FTO: variants seen among roughly 807,000 people sequenced by gnomAD.
The protein encoded by FTO is FTO alpha-ketoglutarate dependent dioxygenase.
Under a neutral mutation model 63.9 loss-of-function variants are expected in FTO, and 47 were observed. The ratio of observed to expected loss-of-function variants is 0.74; its 90% CI spans 0.58 to 0.94. The LOEUF (loss-of-function observed/expected upper bound fraction) is 0.94. FTO is among the 40% of genes least tolerant of loss of function. The pLI, the probability that FTO is intolerant of heterozygous loss-of-function variation, is 0.00. For synonymous variants in FTO, 207 were observed against 224.4 expected, an observed-to-expected ratio of 0.92 and a Z score of 0.69; for missense variants, 562 against 618.1, an observed-to-expected ratio of 0.91 and a Z score of 0.96.
In FTO at chr16:53,972,804, T is replaced by C. The variant is rs115141509; in HGVS notation, c.1364+38695T>C. On this transcript the variant is annotated intron_variant, in intron 8 of 8. Transcript: ENST00000471389. ...CTTTTAGGAAGGAGAAATCTCACTC[T>C]TCAGTGTTTGTGGAGAGTGCAGGGA... is the stretch of plus-strand genomic sequence containing the variant. Among the ~76,000 whole-genome samples, 915 of 152,310 alleles carry C rather than the reference T, an allele frequency of 6.0e-3. 9 individuals carry two copies. The highest frequency in any genetic ancestry group is 0.021 in the African/African-American group (865 of 41,566).
chr16:53,999,281 T>G (rs1314151188), intron 8 of FTO, among the ~76,000 whole-genome samples: 1 of 152,166 alleles, frequency 6.6e-6, no homozygotes, highest in African/African-American at 2.4e-5. Flanking sequence ...TAGGCAGGAT[T>G]TATATGTGCT....
At position 54,000,489 on chromosome 16, in the gene FTO, A is replaced by G. The variant is rs1193228675; in HGVS notation, c.1364+66380A>G. On this transcript the variant is annotated intron_variant, in intron 8 of 8. Coordinates refer to ENST00000471389, the MANE Select transcript of FTO (RefSeq NM_001080432.3). Reference sequence around the variant, plus strand: ...ACATTCTGGTCTAACCGAAGTTGCCATGTAATTCTGTGGAATCATACTAAC... The same window carrying G: ...ACATTCTGGTCTAACCGAAGTTGCCGTGTAATTCTGTGGAATCATACTAAC... 3.9e-5 allele frequency among the ~76,000 whole-genome samples: 6 copies of G among 152,322 alleles called. No individual in the cohort carries two copies. In the South Asian group the frequency reaches 1.0e-3, roughly 26 times the overall value.
chr16:53,724,968 C>T (rs756110796), intron 1 of FTO, among the ~76,000 whole-genome samples: 3 of 152,120 alleles, frequency 2.0e-5, no homozygotes, highest in Non-Finnish European at 2.9e-5. Flanking sequence ...CAGGGATCTG[C>T]CTCTCCTAAA....
intron 8 of FTO, chr16:53,985,087 A>G (rs1256779977): frequency 2.4e-5 from 10 of 416,620 alleles, no homozygotes; most frequent in Non-Finnish European, 4.8e-5. Context: ...TTGTTCCAGT[A>G]TGTGTAGGGA....
At chr16:53,961,027 T>C (rs567003417) in intron 8 of FTO, among the ~76,000 whole-genome samples, 4 of 152,332 alleles carry the variant, frequency 2.6e-5, no homozygotes, top group Non-Finnish European at 5.9e-5. Context: ...CAATACAAGA[T>C]AAATGATTGC....
At chr16:53,972,010 G>A (rs142215011) in intron 8 of FTO, among the ~76,000 whole-genome samples, 155 of 152,082 alleles carry the variant, frequency 1.0e-3, no homozygotes, top group Non-Finnish European at 1.8e-3. Flanking sequence ...ATGTTTTAAC[G>A]ACAAATGATG....
intron 7 of FTO, among the ~76,000 whole-genome samples, chr16:53,903,422 C>A (rs145154182): frequency 1.3e-5 from 2 of 152,180 alleles, no homozygotes; most frequent in Non-Finnish European, 2.9e-5. Flanking sequence ...CCACACCAAG[C>A]TAATTTTTGT....
chr16:53,799,879 T>C (rs1427269833), intron 1 of FTO, among the ~76,000 whole-genome samples: 1 of 152,240 alleles, frequency 6.6e-6, no homozygotes, highest in Non-Finnish European at 1.5e-5. Flanking sequence ...CTTATTATCC[T>C]TTTAATTGGT....
At chr16:53,783,064 G>C (rs1404614564) in intron 1 of FTO, among the ~76,000 whole-genome samples, 1 of 151,818 alleles carries the variant, frequency 6.6e-6, no homozygotes, top group African/African-American at 2.4e-5. Context: ...TTATGTATCA[G>C]GCACTATACC....
chr16:53,758,525 G>T (rs1177578370), intron 1 of FTO, among the ~76,000 whole-genome samples: 1 of 152,190 alleles, frequency 6.6e-6, no homozygotes, highest in Non-Finnish European at 1.5e-5. Context: ...TATCTTAAAA[G>T]ACGGCCAGGT....
Position 53,943,566 on chromosome 16 carries a change from G to C in FTO, c.1364+9457G>C, listed in dbSNP as rs527971608. Among the ~76,000 whole-genome samples, 7 of 152,274 alleles carry C rather than the reference G, an allele frequency of 4.6e-5. No homozygotes were observed. The South Asian group carries it at 1.4e-3, about 32-fold the overall frequency. On this transcript the variant is annotated intron_variant, in intron 8 of 8. Coordinates refer to ENST00000471389, the MANE Select transcript of FTO (RefSeq NM_001080432.3). ...GTTCACAGCAGTGAACAGAACTGAT[G>C]ACAGTTCTTTCATGGAGCTTATATT...
At chr16:53,792,121 A>G (rs1346089106) in intron 1 of FTO, among the ~76,000 whole-genome samples, 2 of 152,108 alleles carry the variant, frequency 1.3e-5, no homozygotes, top group African/African-American at 4.8e-5. Context: ...AAGCGTGTAT[A>G]TTGACTTTCC....
chr16:54,064,693 G>T (rs2085675096), intron 8 of FTO, among the ~76,000 whole-genome samples: 5 of 152,106 alleles, frequency 3.3e-5, no homozygotes, highest in Admixed American at 3.3e-4. Flanking sequence ...ACAACCCACA[G>T]CATTCGATTT....
intron 1 of FTO, among the ~76,000 whole-genome samples, chr16:53,749,633 G>T (rs2076735790): frequency 6.6e-6 from 1 of 151,876 alleles, no homozygotes; most frequent in African/African-American, 2.4e-5. Flanking sequence ...TAGAGACGGG[G>T]TTTCACCGTG....
intron 1 of FTO, among the ~76,000 whole-genome samples, chr16:53,718,685 T>C (rs2075954522): frequency 6.6e-6 from 1 of 152,150 alleles, no homozygotes; most frequent in African/African-American, 2.4e-5. Flanking sequence ...GGTTGAATTT[T>C]ATTGAATTTT....
chr16:53,780,951 A>T, intron 1 of FTO, among the ~76,000 whole-genome samples: 1 of 152,314 alleles, frequency 6.6e-6, no homozygotes, highest in East Asian at 1.9e-4. Context: ...ATTTTAATGT[A>T]ATGTTATTAA....
At chr16:53,719,250 CTTCTTTTTTT>C (rs1373424297) in intron 1 of FTO, among the ~76,000 whole-genome samples, 1 of 85,982 alleles carries the variant, frequency 1.2e-5, no homozygotes, top group Non-Finnish European at 2.4e-5. Flanking sequence ...TTTTCTTCTT[CTTCTTTTTTT>C]TTTTTTTTTT....
chr16:54,012,914 TG>T (rs1265159641), intron 8 of FTO, among the ~76,000 whole-genome samples: 1 of 152,078 alleles, frequency 6.6e-6, no homozygotes, highest in African/African-American at 2.4e-5. Flanking sequence ...TGGAGATAAA[TG>T]AGATTAATGT....
intron 8 of FTO, among the ~76,000 whole-genome samples, chr16:54,098,529 C>G (rs962215451): frequency 6.6e-6 from 1 of 152,214 alleles, no homozygotes; most frequent in Non-Finnish European, 1.5e-5. Context: ...CTCAAATGAG[C>G]ATTCCAAAGT....
Sources: allele counts gnomAD v4.1 joint callset (sites outside exome capture counted in the v4.1 genomes callset), GRCh38; gene constraint gnomAD v4.1.1; transcripts MANE v1.5; gene names NCBI Gene and HGNC (gene_info 2026-07-23, HGNC 2026-07-21).